Variants in NAALADL2 observed in about 807,000 individuals in gnomAD.
NAALADL2 encodes the protein inactive N-acetylated-alpha-linked acidic dipeptidase-like protein 2.
A neutral mutation model predicts 87.2 loss-of-function variants in NAALADL2; 76 were observed. The observed-to-expected ratio is 0.87, with a 90% CI of 0.72 to 1.05. The LOEUF (loss-of-function observed/expected upper bound fraction) is 1.05, where lower values mean the gene tolerates loss of function less well. Ranked by LOEUF, NAALADL2 falls within the 50% of genes least tolerant of loss-of-function variation. The pLI is 0.00. For synonymous variants in NAALADL2, 354 were observed against 331.0 expected (o/e 1.07, Z -0.75); for missense variants, 1,089 against 945.8 (o/e 1.15, Z -1.99).
chr3:174,889,162 T>G (rs957675906), intron 1 of NAALADL2, among the ~76,000 whole-genome samples: 1 of 152,156 alleles, frequency 6.6e-6, no homozygotes, highest in Non-Finnish European at 1.5e-5. Context: ...TCTTCTAACA[T>G]ATACAAAACC....
chr3:175,650,254 T>G (rs1175244626), intron 11 of NAALADL2, among the ~76,000 whole-genome samples: 1 of 152,200 alleles, frequency 6.6e-6, no homozygotes, highest in Admixed American at 6.5e-5. Context: ...TTGTATGAAG[T>G]GTCCAGAGAT....
intron 2 of NAALADL2, among the ~76,000 whole-genome samples, chr3:174,629,075 C>T (rs1480909466): frequency 6.6e-6 from 1 of 152,150 alleles, no homozygotes; most frequent in African/African-American, 2.4e-5. Flanking sequence ...AAAAGTCAGC[C>T]TTCTATAGTG....
chr3:175,754,303 C>T (rs1249510844), intron 12 of NAALADL2, among the ~76,000 whole-genome samples: 1 of 152,136 alleles, frequency 6.6e-6, no homozygotes, highest in Non-Finnish European at 1.5e-5. Context: ...GGGATTTAAA[C>T]TCAAGTGGAC....
chr3:175,132,665 C>T (rs1728303536), intron 2 of NAALADL2, among the ~76,000 whole-genome samples: 1 of 126,394 alleles, frequency 7.9e-6, no homozygotes, highest in Non-Finnish European at 1.6e-5. Flanking sequence ...GGGGCTGACC[C>T]CTCCACCTCC....
intron 3 of NAALADL2, among the ~76,000 whole-genome samples, chr3:174,788,481 CT>C (rs1717070091): frequency 6.6e-6 from 1 of 152,150 alleles, no homozygotes; most frequent in African/African-American, 2.4e-5. Context: ...TCTTAAATCT[CT>C]TTCCTTGGCT....
rs369276616 is a variant in NAALADL2, at chr3:175,694,202, T to C, written c.1897-43104T>C. On this transcript the variant is annotated intron_variant, in intron 11 of 13. Coordinates refer to ENST00000454872, the MANE Select transcript of NAALADL2 (RefSeq NM_207015.3). ...TACAATATAGACATTATATAGTTGA[T>C]ATTATTAAAGCTTACTAAAATAGGT... Among the ~76,000 whole-genome samples, 4 of 152,302 alleles carry C rather than the reference T, an allele frequency of 2.6e-5. No individual in the cohort carries two copies. The East Asian group carries it at 7.7e-4, about 29-fold the overall frequency.
intron 4 of NAALADL2, among the ~76,000 whole-genome samples, chr3:175,273,944 G>GT (rs530481823): frequency 1.1e-4 from 17 of 151,062 alleles, no homozygotes; most frequent in East Asian, 2.0e-4. Context: ...ACATTTCTTT[G>GT]TTTTTTTTCA....
chr3:175,577,090 G>T (rs1278433609), intron 10 of NAALADL2, among the ~76,000 whole-genome samples: 1 of 152,098 alleles, frequency 6.6e-6, no homozygotes, highest in African/African-American at 2.4e-5. Flanking sequence ...TACTTATTAT[G>T]TGTCTAATTC....
chr3:174,971,648 ACAGT>A (rs375257757), intron 1 of NAALADL2, among the ~76,000 whole-genome samples: 4 of 149,042 alleles, frequency 2.7e-5, no homozygotes, highest in African/African-American at 9.9e-5. Context: ...TTCAACTCAA[ACAGT>A]CAGTATGCTA....
At chr3:175,667,231 G>GAAAT (rs749819390) in intron 11 of NAALADL2, among the ~76,000 whole-genome samples, 52 of 116,796 alleles carry the variant, frequency 4.5e-4, no homozygotes, top group African/African-American at 2.1e-3. Context: ...AAGAAAGAAA[G>GAAAT]AAAGAAAGAA....
intron 5 of NAALADL2, among the ~76,000 whole-genome samples, chr3:175,358,612 T>A (rs1194404974): frequency 6.6e-6 from 1 of 152,186 alleles, no homozygotes; most frequent in African/African-American, 2.4e-5. Flanking sequence ...AGAAATGTTT[T>A]AATGTTTTTC....
intron 4 of NAALADL2, among the ~76,000 whole-genome samples, chr3:175,287,543 A>G (rs2110119298): frequency 6.6e-6 from 1 of 152,336 alleles, no homozygotes; most frequent in East Asian, 1.9e-4. Context: ...TAACTTGCCC[A>G]GGTTACACAG....
chr3:174,998,160 G>T (rs1747774806), intron 1 of NAALADL2, among the ~76,000 whole-genome samples: 1 of 152,138 alleles, frequency 6.6e-6, no homozygotes, highest in African/African-American at 2.4e-5. Flanking sequence ...CTACCTCTAT[G>T]TTAGGCATTA....
chr3:174,693,001 T>C (rs572987215), intron 2 of NAALADL2, among the ~76,000 whole-genome samples: 74 of 124,802 alleles, frequency 5.9e-4, no homozygotes, highest in Non-Finnish European at 1.9e-5. Context: ...ACCAGTAAAA[T>C]AATAAATGAT....
chr3:174,516,719 A>G (rs1245823215), intron 1 of NAALADL2, among the ~76,000 whole-genome samples: 1 of 152,024 alleles, frequency 6.6e-6, no homozygotes. Flanking sequence ...GCTTAAAATC[A>G]TAAGTTAGTT....
chr3:175,274,860 T>C (rs1478162102), intron 4 of NAALADL2, among the ~76,000 whole-genome samples: 2 of 152,318 alleles, frequency 1.3e-5, no homozygotes, highest in African/African-American at 4.8e-5. Context: ...TTTCATTTTA[T>C]TGACATAGTT....
chr3:174,854,835 CTTTT>C (rs68116968), upstream of NAALADL2, among the ~76,000 whole-genome samples: 1 of 111,996 alleles, frequency 8.9e-6, no homozygotes. Context: ...GCTTTTTTTT[CTTTT>C]TTTTTTTTTT....
chr3:175,600,047 G>A (rs1722745634), intron 10 of NAALADL2, among the ~76,000 whole-genome samples: 4 of 151,650 alleles, frequency 2.6e-5, no homozygotes, highest in Admixed American at 2.0e-4. Context: ...TTTGAACATG[G>A]AAATCAAACT....
At chr3:175,477,199 C>T (rs1408943672) in intron 9 of NAALADL2, among the ~76,000 whole-genome samples, 1 of 152,088 alleles carries the variant, frequency 6.6e-6, no homozygotes, top group Non-Finnish European at 1.5e-5. Flanking sequence ...TAGAACTTTA[C>T]AGATGTTTCT....
Sources: gnomAD v4.1 joint callset for allele counts (sites outside exome capture counted in the v4.1 genomes callset) on GRCh38, gnomAD v4.1.1 for gene constraint, MANE v1.5 for transcripts, NCBI Gene and HGNC (gene_info 2026-07-23, HGNC 2026-07-21) for gene names.